TBC1D12: variants seen among roughly 807,000 people sequenced by gnomAD.
TBC1D12 encodes the protein TBC1 domain family, member 12.
Under a neutral mutation model 86.7 loss-of-function variants are expected in TBC1D12, and 56 were observed. The ratio of observed to expected loss-of-function variants is 0.65; its 90% CI spans 0.52 to 0.81. The LOEUF is 0.81. Among genes scored for constraint, TBC1D12 ranks in the 30% least tolerant of loss-of-function variants. The pLI is 0.00. For synonymous variants in TBC1D12, 421 were observed against 411.7 expected, an observed-to-expected ratio of 1.02 and a Z score of -0.27; for missense variants, 1,023 against 1,038.8, an observed-to-expected ratio of 0.98 and a Z score of 0.21.
Position 94,500,295 on chromosome 10 carries a change from T to C in TBC1D12, c.1487T>C (p.Leu496Pro). 1 of 1,614,044 alleles carries C rather than the reference T, an allele frequency of 6.2e-7. No homozygotes were observed. ...AGTGTCCGTGGGAAAGTTTGGAGTC[T>C]AGCTGTAGGAAATGAACTAAATATC... ...PPSVRGKVWS[L>P]AVGNELNITP... Residue 496 changes from leucine to proline, a missense_variant, in exon 6 of 13, where the codon CTA (leucine) becomes CCA (proline). Leu to Pro is a moderately conservative substitution (Grantham distance 98). Around this residue, in one of 2 missense-constraint regions of TBC1D12, gnomAD observed 395 missense variants for 507.7 expected, o/e 0.78. Coordinates refer to ENST00000225235, the MANE Select transcript of TBC1D12 (RefSeq NM_015188.2).
chr10:94,428,784 A>T (rs534282479), intron 1 of TBC1D12, among the ~76,000 whole-genome samples: 2 of 151,532 alleles, frequency 1.3e-5, no homozygotes, highest in East Asian at 3.9e-4. Flanking sequence ...CATCAGGCTC[A>T]CTACAGCCTT....
chr10:94,489,157 G>T (rs550257382), intron 3 of TBC1D12, among the ~76,000 whole-genome samples: 2 of 152,168 alleles, frequency 1.3e-5, no homozygotes, highest in African/African-American at 4.8e-5. Flanking sequence ...CTGTGATTGC[G>T]AGGCTTGCCG....
At chr10:94,427,689 G>A (rs1454694936) in intron 1 of TBC1D12, among the ~76,000 whole-genome samples, 6 of 151,770 alleles carry the variant, frequency 4.0e-5, no homozygotes, top group East Asian at 3.9e-4. Context: ...AAAATTAGCC[G>A]GGTGTGGTGG....
chr10:94,441,686 C>T (rs1339616566), intron 1 of TBC1D12, among the ~76,000 whole-genome samples: 1 of 152,100 alleles, frequency 6.6e-6, no homozygotes, highest in Non-Finnish European at 1.5e-5. Context: ...AACCTGTTAT[C>T]TAGGTTTTAA....
chr10:94,435,334 A>G (rs956456470), intron 1 of TBC1D12, among the ~76,000 whole-genome samples: 3 of 152,208 alleles, frequency 2.0e-5, no homozygotes, highest in Non-Finnish European at 4.4e-5. Context: ...GTAAATTTCT[A>G]ACAGTGTTCT....
intron 11 of TBC1D12, among the ~76,000 whole-genome samples, chr10:94,523,987 G>A (rs1032352056): frequency 2.0e-5 from 3 of 152,034 alleles, no homozygotes; most frequent in Non-Finnish European, 4.4e-5. Context: ...TATGTATGTT[G>A]CCAAATCATG....
At chr10:94,439,198 A>T (rs1330059909) in intron 1 of TBC1D12, among the ~76,000 whole-genome samples, 2 of 152,162 alleles carry the variant, frequency 1.3e-5, no homozygotes, top group East Asian at 1.9e-4. Context: ...TGTCTTTTGA[A>T]GTTCAAATGT....
intron 2 of TBC1D12, among the ~76,000 whole-genome samples, chr10:94,464,547 C>G (rs2055778242): frequency 6.6e-6 from 1 of 152,176 alleles, no homozygotes; most frequent in Non-Finnish European, 1.5e-5. Context: ...CTCACTGCAA[C>G]CTCTGCCTCC....
chr10:94,446,922 G>T (rs1281819857), intron 2 of TBC1D12, among the ~76,000 whole-genome samples: 1 of 151,784 alleles, frequency 6.6e-6, no homozygotes, highest in African/African-American at 2.4e-5. Context: ...AAACACAAAA[G>T]AATTAATGGC....
chr10:94,509,004 T>C (rs1476837723), intron 7 of TBC1D12: 1 of 152,162 alleles, frequency 6.6e-6, no homozygotes, highest in African/African-American at 2.4e-5. Context: ...ATTAAGGGCT[T>C]ATCACCTCAA....
chr10:94,503,510 T>C (rs750515601), intron 6 of TBC1D12, among the ~76,000 whole-genome samples: 28 of 152,226 alleles, frequency 1.8e-4, no homozygotes, highest in Admixed American at 3.3e-4. Flanking sequence ...AATTAAATGT[T>C]TACCCTTTGT....
intron 2 of TBC1D12, among the ~76,000 whole-genome samples, chr10:94,470,690 C>CTTTTTTTTTTTTTTTTTT (rs35586245): frequency 1.9e-5 from 2 of 105,822 alleles, no homozygotes; most frequent in African/African-American, 3.4e-5. Context: ...ATTTGTAATT[C>CTTTTTTTTTTTTTTTTTT]TTTTTTTTTT....
intron 1 of TBC1D12, among the ~76,000 whole-genome samples, chr10:94,438,053 C>T (rs1259281388): frequency 1.4e-5 from 1 of 69,248 alleles, no homozygotes; most frequent in African/African-American, 5.7e-5. Flanking sequence ...CTAGTAATTA[C>T]TTTGGGCTTC....
intron 2 of TBC1D12, among the ~76,000 whole-genome samples, chr10:94,457,877 A>C (rs1453541913): frequency 6.6e-6 from 1 of 152,140 alleles, no homozygotes. Flanking sequence ...TTCAGGCAAC[A>C]CTATACCTGA....
intron 2 of TBC1D12, among the ~76,000 whole-genome samples, chr10:94,456,901 C>G (rs1001985151): frequency 1.1e-4 from 17 of 152,220 alleles, no homozygotes; most frequent in African/African-American, 4.1e-4. Flanking sequence ...ATTACTAACC[C>G]CTTTATTATG....
At chr10:94,478,904 C>T (rs532778562) in intron 3 of TBC1D12, among the ~76,000 whole-genome samples, 9 of 151,914 alleles carry the variant, frequency 5.9e-5, no homozygotes, top group Admixed American at 6.6e-5. Flanking sequence ...TTGCAGTGAG[C>T]GGAGATTGTG....
intron 3 of TBC1D12, among the ~76,000 whole-genome samples, chr10:94,487,020 T>C (rs1311831238): frequency 1.3e-5 from 2 of 152,272 alleles, no homozygotes; most frequent in Admixed American, 6.5e-5. Context: ...ACAATTGTTA[T>C]ATCCTCTTGC....
intron 7 of TBC1D12, 71 bp downstream of exon 7, chr10:94,507,418 A>T (rs2056473340): frequency 7.6e-6 from 10 of 1,319,916 alleles, no homozygotes; most frequent in Middle Eastern, 1.9e-4. Flanking sequence ...CAGAAGCTGT[A>T]GTAATCGCTT....
intron 11 of TBC1D12, among the ~76,000 whole-genome samples, chr10:94,523,192 CAAAAAAAAAA>C (rs33935088): frequency 1.6e-4 from 7 of 44,110 alleles, no homozygotes; most frequent in East Asian, 8.5e-4. Context: ...AACTCTATCT[CAAAAAAAAAA>C]AAAAAAAAAA....
Sources: gnomAD v4.1 joint callset for allele counts (sites outside exome capture counted in the v4.1 genomes callset) on GRCh38, gnomAD v4.1.1 for gene constraint, gnomAD v4.1.1 regional missense constraint, MANE v1.5 for transcripts, NCBI Gene and HGNC (gene_info 2026-07-23, HGNC 2026-07-21) for gene names.